The following NMBR variants were observed in gnomAD, a reference collection of about 807,000 sequenced individuals.
The protein encoded by NMBR is neuromedin B receptor.
Under a neutral mutation model 20.5 loss-of-function variants are expected in NMBR, and 16 were observed. The observed-to-expected ratio is 0.78, with a 90% CI of 0.53 to 1.19. The LOEUF (loss-of-function observed/expected upper bound fraction) is 1.19. NMBR is among the 50% of genes most tolerant of loss of function. NMBR has a pLI of 0.00. For synonymous variants in NMBR, 212 were observed against 196.6 expected (o/e 1.08, Z -0.65); for missense variants, 582 against 499.1 (o/e 1.17, Z -1.58).
chr6:142,078,216 T>A (rs189618244), intron 3 of NMBR, among the ~76,000 whole-genome samples: 1 of 152,360 alleles, frequency 6.6e-6, no homozygotes, highest in East Asian at 1.9e-4. Flanking sequence ...AATAATCAAA[T>A]TAATGTATGC....
At position 142,088,695 on chromosome 6, in the gene NMBR, G is replaced by A. The variant is rs1777255986; in HGVS notation, c.-37C>T. On this transcript the variant is annotated 5_prime_UTR_variant, in exon 2 of 4. Transcript: ENST00000258042. ...CAGCAGAGTCCGCTGGAGTTTTCACGCGCTCCGGTGCCCTGAGGACTGAAC... is the reference window on the plus strand; with the variant it reads ...CAGCAGAGTCCGCTGGAGTTTTCACACGCTCCGGTGCCCTGAGGACTGAAC... The A allele has an allele frequency of 5.1e-6, 8 of 1,559,978 alleles. No homozygotes were observed. Among genetic ancestry groups the A allele is most frequent in the Non-Finnish European group, 6.9e-6 (8 of 1,154,364 alleles).
At chr6:142,083,171 T>C (rs1484181439) in intron 2 of NMBR, among the ~76,000 whole-genome samples, 1 of 152,202 alleles carries the variant, frequency 6.6e-6, no homozygotes, top group Non-Finnish European at 1.5e-5. Flanking sequence ...ATATCTAATT[T>C]ATTGGAGTCA....
At chr6:142,143,199 G>A (rs1690854451) in intron 1 of NMBR, among the ~76,000 whole-genome samples, 1 of 152,184 alleles carries the variant, frequency 6.6e-6, no homozygotes, top group Admixed American at 6.5e-5. Flanking sequence ...AATGCATAGT[G>A]ATAAATTTTT....
intron 2 of NMBR, among the ~76,000 whole-genome samples, chr6:142,083,183 A>T (rs1281149986): frequency 6.6e-6 from 1 of 152,216 alleles, no homozygotes; most frequent in Non-Finnish European, 1.5e-5. Context: ...TTGGAGTCAA[A>T]TAACATTTAT....
chr6:142,144,829 C>A (rs969232687), intron 1 of NMBR, among the ~76,000 whole-genome samples: 7 of 151,916 alleles, frequency 4.6e-5, no homozygotes, highest in Non-Finnish European at 7.4e-5. Context: ...GCAGGAGTAT[C>A]ACTTGAGACT....
At chr6:142,143,218 G>A (rs909882970) in intron 1 of NMBR, among the ~76,000 whole-genome samples, 11 of 152,118 alleles carry the variant, frequency 7.2e-5, no homozygotes, top group African/African-American at 2.7e-4. Context: ...TTCAAAATAT[G>A]TGCTAGACCT....
chr6:142,113,634 TC>T (rs1030598804), intron 1 of NMBR, among the ~76,000 whole-genome samples: 9 of 152,176 alleles, frequency 5.9e-5, no homozygotes, highest in African/African-American at 2.2e-4. Context: ...AGTCTTTCTA[TC>T]ATATACATAG....
chr6:142,106,305 GT>G (rs1388105743), intron 1 of NMBR, among the ~76,000 whole-genome samples: 1 of 152,166 alleles, frequency 6.6e-6, no homozygotes, highest in African/African-American at 2.4e-5. Context: ...CTGGCTTGCA[GT>G]TGCTAGTCTG....
At chr6:142,116,000 A>G (rs897247661) in intron 1 of NMBR, among the ~76,000 whole-genome samples, 1 of 151,912 alleles carries the variant, frequency 6.6e-6, no homozygotes, top group African/African-American at 2.4e-5. Flanking sequence ...GTTCTCTGAT[A>G]GTGAATTAGT....
intron 1 of NMBR, among the ~76,000 whole-genome samples, chr6:142,098,217 C>G (rs756240428): frequency 2.6e-5 from 4 of 151,990 alleles, no homozygotes; most frequent in Non-Finnish European, 4.4e-5. Flanking sequence ...AGAAGAAACA[C>G]AAAGAAAAAT....
intron 1 of NMBR, among the ~76,000 whole-genome samples, chr6:142,109,008 C>T (rs1330902563): frequency 6.6e-6 from 1 of 152,208 alleles, no homozygotes; most frequent in Non-Finnish European, 1.5e-5. Context: ...GGGCTACAGG[C>T]CCCATGCAAG....
intron 1 of NMBR, among the ~76,000 whole-genome samples, chr6:142,130,888 T>C (rs1294880598): frequency 1.3e-5 from 2 of 152,118 alleles, no homozygotes; most frequent in African/African-American, 4.8e-5. Flanking sequence ...GCAGAACAGC[T>C]TTCAGGGTAA....
chr6:142,145,799 A>C (rs143084412), intron 1 of NMBR, among the ~76,000 whole-genome samples: 1 of 152,352 alleles, frequency 6.6e-6, no homozygotes, highest in East Asian at 1.9e-4. Flanking sequence ...CGTAACATTA[A>C]AATTACATGA....
At chr6:142,139,542 T>G (rs988605737) in intron 1 of NMBR, among the ~76,000 whole-genome samples, 2 of 152,160 alleles carry the variant, frequency 1.3e-5, no homozygotes, top group African/African-American at 2.4e-5. Flanking sequence ...TAGCATCCAT[T>G]AAAGCCAACT....
intron 2 of NMBR, among the ~76,000 whole-genome samples, chr6:142,083,600 G>A (rs920040393): frequency 2.6e-5 from 4 of 152,072 alleles, no homozygotes; most frequent in African/African-American, 9.7e-5. Context: ...GATCATGAGG[G>A]CAAATTTCCC....
intron 1 of NMBR, among the ~76,000 whole-genome samples, chr6:142,115,362 C>G (rs1256409390): frequency 6.6e-6 from 1 of 151,864 alleles, no homozygotes; most frequent in Admixed American, 6.6e-5. Flanking sequence ...AAAAATAAGG[C>G]CTATTTGAGG....
intron 1 of NMBR, among the ~76,000 whole-genome samples, chr6:142,114,849 T>TA (rs1312075776): frequency 6.6e-6 from 1 of 152,052 alleles, no homozygotes; most frequent in Non-Finnish European, 1.5e-5. Context: ...ATCATATTCA[T>TA]AGCAACACTA....
rs1776894960 is a variant in NMBR, at chr6:142,074,776, C to T, written c.*872G>A. ...GATTTAGCAATGTATACTAAGATGG[C>T]CATGCAAACTTGTGAGTTGTAGCTT... On this transcript the variant is annotated 3_prime_UTR_variant, in exon 4 of 4. Transcript: ENST00000258042. Among the ~76,000 whole-genome samples, 1 of 152,036 alleles carries T rather than the reference C, an allele frequency of 6.6e-6. No individual in the cohort carries two copies. Among genetic ancestry groups the T allele is most frequent in the African/African-American group, 2.4e-5 (1 of 41,386 alleles).
At chr6:142,094,722 A>T (rs1777409598) in intron 1 of NMBR, among the ~76,000 whole-genome samples, 1 of 152,116 alleles carries the variant, frequency 6.6e-6, no homozygotes, top group African/African-American at 2.4e-5. Flanking sequence ...GATGGCATTG[A>T]ATCTATAAAT....
Sources: gnomAD v4.1 joint callset for allele counts (sites outside exome capture counted in the v4.1 genomes callset) on GRCh38, gnomAD v4.1.1 for gene constraint, MANE v1.5 for transcripts, NCBI Gene and HGNC (gene_info 2026-07-23, HGNC 2026-07-21) for gene names.